The following FAM114A1 variants were observed in gnomAD, a reference collection of about 807,000 sequenced individuals.
FAM114A1 encodes the protein protein NOXP20.
A neutral mutation model predicts 64.3 loss-of-function variants in FAM114A1; 62 were observed. The observed-to-expected ratio is 0.96, with a 90% CI of 0.79 to 1.19. The LOEUF (loss-of-function observed/expected upper bound fraction) is 1.19, where lower values mean the gene tolerates loss of function less well. Ranked by LOEUF, FAM114A1 falls within the 50% of genes most tolerant of loss-of-function variation. The probability of loss-of-function intolerance (pLI) is 0.00; values close to 1 mark genes in which losing one functional copy is unlikely to be tolerated. For missense variants in FAM114A1, 645 were observed against 676.3 expected (o/e 0.95, Z 0.51); for synonymous variants, 254 against 251.1 (o/e 1.01, Z -0.11).
intron 13 of FAM114A1, 38 bp downstream of exon 13, chr4:38,935,828 A>C (rs757865049): frequency 4.9e-6 from 7 of 1,425,044 alleles, no homozygotes; most frequent in African/African-American, 1.4e-5. Flanking sequence ...ACCTTTTTTA[A>C]GGGAAGTATG....
intron 3 of FAM114A1, among the ~76,000 whole-genome samples, 158 bp downstream of exon 3, chr4:38,878,584 T>C (rs1448216211): frequency 1.3e-5 from 2 of 152,142 alleles, no homozygotes; most frequent in African/African-American, 4.8e-5. Context: ...TAGACATATA[T>C]AAAAATAATT....
chr4:38,869,997 T>C (rs1300841215), intron 2 of FAM114A1, among the ~76,000 whole-genome samples: 2 of 151,910 alleles, frequency 1.3e-5, no homozygotes, highest in Admixed American at 1.3e-4. Flanking sequence ...GCAGGTGGAG[T>C]TTGGAAAAAA....
At chr4:38,872,099 T>C (rs1560281720) in intron 2 of FAM114A1, among the ~76,000 whole-genome samples, 1 of 152,200 alleles carries the variant, frequency 6.6e-6, no homozygotes, top group Non-Finnish European at 1.5e-5. Flanking sequence ...TTATTTCTCA[T>C]ATCCCTTATG....
At chr4:38,938,222 C>T (rs1438364911) in intron 13 of FAM114A1, among the ~76,000 whole-genome samples, 1 of 152,140 alleles carries the variant, frequency 6.6e-6, no homozygotes, top group Non-Finnish European at 1.5e-5. Flanking sequence ...TTGTGCAAAC[C>T]TGCAGACCTA....
Position 38,925,993 on chromosome 4 carries a change from A to G in FAM114A1, c.1069+3100A>G, listed in dbSNP as rs1207995838. Reference sequence around the variant, plus strand: ...AATTTAGTGTTGATTCCTCCCAAATACTTTTAATCTCCCTATGTTTGTATC... The same window carrying G: ...AATTTAGTGTTGATTCCTCCCAAATGCTTTTAATCTCCCTATGTTTGTATC... On this transcript the variant is annotated intron_variant, in intron 9 of 14. Transcript: ENST00000358869. Among the ~76,000 whole-genome samples the G allele has an allele frequency of 3.3e-5, 5 of 152,146 alleles. No homozygotes were observed. In the East Asian group the frequency reaches 7.7e-4, roughly 23 times the overall value.
At chr4:38,886,172 CTT>C (rs36090599) in intron 3 of FAM114A1, among the ~76,000 whole-genome samples, 30 of 137,350 alleles carry the variant, frequency 2.2e-4, no homozygotes, top group Non-Finnish European at 1.6e-4. Context: ...AGATAAGCAC[CTT>C]TTTTTTTTTT....
At chr4:38,890,788 T>TGA in intron 3 of FAM114A1, among the ~76,000 whole-genome samples, 1 of 152,176 alleles carries the variant, frequency 6.6e-6, no homozygotes, top group African/African-American at 2.4e-5. Context: ...TTCATTATAT[T>TGA]CCAAGCACTC....
intron 4 of FAM114A1, 33 bp downstream of exon 4, chr4:38,891,863 A>G (rs765616617): frequency 2.5e-6 from 4 of 1,573,446 alleles, no homozygotes; most frequent in Non-Finnish European, 2.6e-6. Flanking sequence ...GAATAGACAA[A>G]GTACCAAAGC....
At chr4:38,890,546 C>T (rs1716254192) in intron 3 of FAM114A1, among the ~76,000 whole-genome samples, 1 of 152,042 alleles carries the variant, frequency 6.6e-6, no homozygotes, top group South Asian at 2.1e-4. Context: ...GCCCTTCCTT[C>T]TTTCCTTCCT....
intron 3 of FAM114A1, among the ~76,000 whole-genome samples, chr4:38,889,603 G>A (rs1450847127): frequency 6.6e-6 from 1 of 152,044 alleles, no homozygotes; most frequent in Non-Finnish European, 1.5e-5. Flanking sequence ...TGCCACTATT[G>A]TTTGCATTTT....
chr4:38,906,682 C>A (rs1173272839), intron 6 of FAM114A1, among the ~76,000 whole-genome samples: 3 of 151,922 alleles, frequency 2.0e-5, no homozygotes, highest in African/African-American at 7.3e-5. Flanking sequence ...TTACAGGTGC[C>A]CACCACCACA....
rs377135625 is a variant in FAM114A1 at position 38,905,608 on chromosome 4, C to A, written c.523C>A (p.Pro175Thr). Reference sequence around the variant, plus strand: ...TTCTGGATCTTCTGAAGGAGCCCAACCAAATACTGAAAACGGAGTCCCTGA... The same window carrying A: ...TTCTGGATCTTCTGAAGGAGCCCAAACAAATACTGAAAACGGAGTCCCTGA... ...VNSGSSEGAQPNTENGVPEIT... is the reference protein window; with the variant it reads ...VNSGSSEGAQTNTENGVPEIT... The change falls in exon 5 of 15, where the codon CCA becomes ACA. Residue 175 changes from proline to threonine, a missense_variant. By Grantham distance (38) the Pro-to-Thr change is conservative. Coordinates refer to ENST00000358869, the MANE Select transcript of FAM114A1 (RefSeq NM_138389.4). 6.2e-7 allele frequency: 1 copy of A among 1,614,076 alleles called. No individual in the cohort carries two copies. Among genetic ancestry groups the A allele is most frequent in the Admixed American group, 1.7e-5 (1 of 59,998 alleles).
At chr4:38,898,785 C>T (rs1043020937) in intron 4 of FAM114A1, among the ~76,000 whole-genome samples, 6 of 151,916 alleles carry the variant, frequency 3.9e-5, no homozygotes, top group Admixed American at 6.6e-5. Context: ...CACTATAGTT[C>T]GCTTTGGTTG....
At chr4:38,897,080 T>A (rs1717010517) in intron 4 of FAM114A1, among the ~76,000 whole-genome samples, 1 of 152,194 alleles carries the variant, frequency 6.6e-6, no homozygotes, top group South Asian at 2.1e-4. Context: ...AACAGGAGAA[T>A]AGAAACAATT....
At chr4:38,898,955 A>C (rs1175315286) in intron 4 of FAM114A1, among the ~76,000 whole-genome samples, 1 of 143,664 alleles carries the variant, frequency 7.0e-6, no homozygotes, top group Non-Finnish European at 1.5e-5. Flanking sequence ...TATGTTATAT[A>C]TTATATATGT....
chr4:38,869,401 C>T (rs1273402039), intron 2 of FAM114A1, among the ~76,000 whole-genome samples: 1 of 152,018 alleles, frequency 6.6e-6, no homozygotes, highest in African/African-American at 2.4e-5. Context: ...TAAGCAAAGG[C>T]AGGGAGATGT....
chr4:38,906,986 C>A (rs1428595541), intron 6 of FAM114A1, among the ~76,000 whole-genome samples: 3 of 152,124 alleles, frequency 2.0e-5, no homozygotes, highest in Non-Finnish European at 4.4e-5. Flanking sequence ...TATATGCTGG[C>A]AAACAAGAGG....
chr4:38,884,143 G>T (rs1480867068), intron 3 of FAM114A1, among the ~76,000 whole-genome samples: 12 of 152,174 alleles, frequency 7.9e-5, no homozygotes, highest in Admixed American at 7.9e-4. Context: ...TGAGAAGATG[G>T]TGAGTTCAGT....
chr4:38,887,053 T>C (rs577489360), intron 3 of FAM114A1, among the ~76,000 whole-genome samples: 33 of 150,148 alleles, frequency 2.2e-4, no homozygotes, highest in African/African-American at 7.4e-4. Flanking sequence ...GGAGGTGCTA[T>C]GGTACCTAAG....
Sources: allele counts gnomAD v4.1 joint callset (sites outside exome capture counted in the v4.1 genomes callset), GRCh38; gene constraint gnomAD v4.1.1; transcripts MANE v1.5; gene names NCBI Gene and HGNC (gene_info 2026-07-23, HGNC 2026-07-21).